Variants in COL28A1 observed in about 807,000 individuals in gnomAD.
COL28A1 encodes the protein collagen type XXVIII alpha 1 chain.
In COL28A1, 161 loss-of-function variants were observed where a neutral mutation model predicts 150.2. That is an observed-to-expected ratio of 1.07 (90% CI 0.94 to 1.22). The LOEUF is 1.22. COL28A1 is among the 50% of genes most tolerant of loss of function. The pLI, the probability that COL28A1 is intolerant of heterozygous loss-of-function variation, is 0.00. For synonymous variants in COL28A1, 552 were observed against 469.7 expected (o/e 1.18, Z -2.26); for missense variants, 1,617 against 1,388.3 (o/e 1.16, Z -2.62).
intron 3 of COL28A1, among the ~76,000 whole-genome samples, chr7:7,530,444 G>A (rs1043143302): frequency 2.6e-5 from 4 of 152,190 alleles, no homozygotes; most frequent in Non-Finnish European, 4.4e-5. Context: ...AGTTTTCTGT[G>A]CAAGCTGTAG....
At chr7:7,508,767 G>C (rs747340516) in intron 9 of COL28A1, among the ~76,000 whole-genome samples, 1 of 151,986 alleles carries the variant, frequency 6.6e-6, no homozygotes, top group African/African-American at 2.4e-5. Context: ...CCAGGTTCAA[G>C]CAATCCTCCC....
chr7:7,439,775 G>A (rs967870736), intron 21 of COL28A1, among the ~76,000 whole-genome samples: 1 of 152,172 alleles, frequency 6.6e-6, no homozygotes, highest in African/African-American at 2.4e-5. Context: ...TACTTGAGAA[G>A]CACAGATTCC....
At chr7:7,483,105 G>A (rs1380341947) in intron 13 of COL28A1, among the ~76,000 whole-genome samples, 1 of 152,168 alleles carries the variant, frequency 6.6e-6, no homozygotes, top group East Asian at 1.9e-4. Context: ...TTTACAATGG[G>A]TTGGTCAGCA....
At chr7:7,364,234 C>T (rs1052970879) in intron 33 of COL28A1, among the ~76,000 whole-genome samples, 1 of 152,128 alleles carries the variant, frequency 6.6e-6, no homozygotes, top group African/African-American at 2.4e-5. Context: ...AATATGCCTC[C>T]CAAAATATGC....
the COL28A1 span, among the ~76,000 whole-genome samples, chr7:7,343,442 T>G: frequency 4.8e-3 from 736 of 152,208 alleles, 5 homozygotes; most frequent in African/African-American, 0.017. Context: ...CAAGGTCTTC[T>G]GAATGATTTT....
chr7:7,507,139 G>A lies in COL28A1; in HGVS notation c.950C>T (p.Pro317Leu). 1 of 1,282,996 alleles carries A rather than the reference G, an allele frequency of 7.8e-7. No individual in the cohort carries two copies. The allele number at this position is 1,282,996 out of a possible 1,614,324, so 79.5% of individuals were successfully genotyped here. Reference sequence around the variant, plus strand: ...TACCTGAATTCCTCTGGGTCCCTTTGGTCCATATGGCCCTGGGGATCCCTG... The same window carrying A: ...TACCTGAATTCCTCTGGGTCCCTTTAGTCCATATGGCCCTGGGGATCCCTG... Reference protein sequence around the residue: ...GDKGSPGPYGPKGPRGIQGIT... With the variant: ...GDKGSPGPYGLKGPRGIQGIT... The change falls in exon 10 of 35, where the codon CCA becomes CTA. Residue 317 changes from proline (P) to leucine (L), a missense_variant. Transcript: ENST00000399429.
chr7:7,487,471 G>A (rs1248902404), intron 13 of COL28A1, among the ~76,000 whole-genome samples: 1 of 151,988 alleles, frequency 6.6e-6, no homozygotes, highest in Non-Finnish European at 1.5e-5. Flanking sequence ...CCAGCTACTC[G>A]GGAGGCTGAG....
At chr7:7,486,006 A>G (rs1386772595) in intron 13 of COL28A1, among the ~76,000 whole-genome samples, 2 of 152,186 alleles carry the variant, frequency 1.3e-5, no homozygotes, top group Non-Finnish European at 2.9e-5. Flanking sequence ...TTGCTGGGGT[A>G]TCAAAAACAT....
Position 7,489,459 on chromosome 7 carries a change from T to A in COL28A1, c.1096-2A>T. Reference sequence around the variant, plus strand: ...TCTTCCTTCTTGGCCTCTTTCTCCCTAAGAGAAAGAAATAATAGAATGAAA... The same window carrying A: ...TCTTCCTTCTTGGCCTCTTTCTCCCAAAGAGAAAGAAATAATAGAATGAAA... On this transcript the variant is annotated splice_acceptor_variant, in intron 12 of 34. Coordinates refer to ENST00000399429, the MANE Select transcript of COL28A1 (RefSeq NM_001037763.3). LOFTEE classifies it high-confidence loss of function. 1 of 1,274,044 alleles carries A rather than the reference T, an allele frequency of 7.8e-7. No individual in the cohort carries two copies. The highest frequency in any genetic ancestry group is 1.2e-6 in the Non-Finnish European group (1 of 869,164). The allele number at this position is 1,274,044 out of a possible 1,614,324, so 78.9% of individuals were successfully genotyped here.
At chr7:7,341,916 T>C in the COL28A1 span, among the ~76,000 whole-genome samples, 28 of 152,198 alleles carry the variant, frequency 1.8e-4, no homozygotes, top group African/African-American at 5.5e-4. Flanking sequence ...GAATATATAT[T>C]CTGCAGCTGT....
rs975398184 is a variant in COL28A1, at chr7:7,461,876, C to T, written c.1303-5764G>A. ...GGCCCTGTCCACCACCTGTTCCTTC[C>T]CATACTACCACAACTGATGCTCTCT... On this transcript the variant is annotated intron_variant, in intron 15 of 34. Transcript: ENST00000399429. Among the ~76,000 whole-genome samples the T allele has an allele frequency of 2.6e-5, 4 of 152,234 alleles. No individual in the cohort carries two copies. In the East Asian group the frequency reaches 7.7e-4, roughly 29 times the overall value.
intron 25 of COL28A1, among the ~76,000 whole-genome samples, chr7:7,425,608 C>T (rs1459325660): frequency 1.3e-5 from 2 of 152,196 alleles, no homozygotes; most frequent in Non-Finnish European, 2.9e-5. Context: ...TTCTTAATCT[C>T]TCTTCTTATC....
chr7:7,373,399 C>T lies in COL28A1; in HGVS notation c.2507G>A (p.Arg836His), dbSNP rs571848025. Residue 836 changes from arginine to histidine, a missense_variant, in exon 32 of 35, where the codon CGC becomes CAC. Coordinates refer to ENST00000399429, the MANE Select transcript of COL28A1 (RefSeq NM_001037763.3). This position sits in a 1 kb window ranked among gnomAD's most constrained non-coding sequence, Gnocchi z 4.1. The stretch of plus-strand genomic sequence containing the variant: ...ATGGCTATAGTTGATTATGCCTATG[C>T]GGGCCGTGGCAAGGTCCAGAGCAAC... ...DRVALDLATA[R>H]IGIINYSHKV... 8.4e-5 allele frequency: 136 copies of T among 1,614,126 alleles called. No individual in the cohort carries two copies. The highest frequency in any genetic ancestry group is 3.0e-4 in the South Asian group (27 of 91,070).
intron 25 of COL28A1, chr7:7,420,167 C>G (rs944454405): frequency 2.9e-6 from 1 of 341,538 alleles, no homozygotes; most frequent in Non-Finnish European, 5.2e-6. Flanking sequence ...AACTTCTTGG[C>G]AACATTAACT....
chr7:7,531,961 G>A, intron 2 of COL28A1, 57 bp from the exon 3 acceptor site: 3 of 1,084,152 alleles, frequency 2.8e-6, no homozygotes, highest in Non-Finnish European at 4.1e-6. Flanking sequence ...AAACAAATTT[G>A]CATACGGAAA....
chr7:7,384,879 A>T (rs928591942), intron 27 of COL28A1, among the ~76,000 whole-genome samples: 11 of 152,180 alleles, frequency 7.2e-5, no homozygotes, highest in African/African-American at 2.2e-4. Context: ...GTTTCCAAAG[A>T]TGGCACTCCC....
intron 20 of COL28A1, among the ~76,000 whole-genome samples, chr7:7,442,023 G>C (rs1252678797): frequency 6.6e-6 from 1 of 152,102 alleles, no homozygotes; most frequent in Non-Finnish European, 1.5e-5. Context: ...AATCACCCCA[G>C]AAATGAACAG....
chr7:7,464,310 G>T (rs981759037), intron 15 of COL28A1, among the ~76,000 whole-genome samples: 1 of 152,056 alleles, frequency 6.6e-6, no homozygotes, highest in African/African-American at 2.4e-5. Flanking sequence ...GGAACAAACG[G>T]ACTTAACAGA....
chr7:7,355,564 T>G (rs1018348983), downstream of COL28A1, among the ~76,000 whole-genome samples: 1 of 152,018 alleles, frequency 6.6e-6, no homozygotes, highest in African/African-American at 2.4e-5. Context: ...GAGCTGAGAT[T>G]GTACCACTGC....
Sources: gnomAD v4.1 joint callset for allele counts (sites outside exome capture counted in the v4.1 genomes callset) on GRCh38, gnomAD v4.1.1 for gene constraint, Gnocchi (gnomAD v3.1) non-coding constraint, MANE v1.5 for transcripts, NCBI Gene and HGNC (gene_info 2026-07-23, HGNC 2026-07-21) for gene names.